The following SNTG1 variants were observed in gnomAD, a reference collection of about 807,000 sequenced individuals.
SNTG1 encodes syntrophin gamma 1.
A neutral mutation model predicts 74.7 loss-of-function variants in SNTG1; 39 were observed. The ratio of observed to expected loss-of-function variants is 0.52; its 90% CI spans 0.40 to 0.68. SNTG1 has a LOEUF of 0.68. Ranked by LOEUF, SNTG1 falls within the 30% of genes least tolerant of loss-of-function variation. SNTG1 has a pLI of 0.00. For missense variants in SNTG1, 685 were observed against 609.5 expected (o/e 1.12, Z -1.30); for synonymous variants, 254 against 217.1 (o/e 1.17, Z -1.49).
intron 3 of SNTG1, among the ~76,000 whole-genome samples, chr8:50,397,418 C>T (rs1373676707): frequency 5.3e-5 from 8 of 152,196 alleles, no homozygotes; most frequent in Admixed American, 5.2e-4. Context: ...TTTAGGTTTG[C>T]AGCACCAACC....
chr8:50,457,746 A>G (rs1009302074), intron 8 of SNTG1, among the ~76,000 whole-genome samples: 3 of 151,814 alleles, frequency 2.0e-5, no homozygotes, highest in African/African-American at 7.2e-5. Context: ...TCAGACAGCA[A>G]TCGCGAATGG....
chr8:50,246,983 G>A (rs1025815892), intron 2 of SNTG1, among the ~76,000 whole-genome samples: 6 of 152,098 alleles, frequency 3.9e-5, no homozygotes, highest in Non-Finnish European at 5.9e-5. Flanking sequence ...TTGAAAGTTC[G>A]GCTCTTGTCT....
chr8:50,593,383 A>G (rs868084926), intron 13 of SNTG1, among the ~76,000 whole-genome samples: 13 of 152,142 alleles, frequency 8.5e-5, no homozygotes, highest in African/African-American at 3.1e-4. Flanking sequence ...GAAATAAACC[A>G]TTATAAAGAA....
Position 50,448,358 on chromosome 8 carries a change from T to C in SNTG1, c.220-1310T>C, listed in dbSNP as rs561077516. On this transcript the variant is annotated intron_variant, in intron 5 of 18. Coordinates refer to ENST00000642720, the MANE Select transcript of SNTG1 (RefSeq NM_018967.5). ...CCTGCTTTTCTAAAAAACTATTGAC[T>C]ATTTTATATTTAAGTATACTGGCAA... 3.9e-5 allele frequency among the ~76,000 whole-genome samples: 6 copies of C among 152,288 alleles called. No homozygotes were observed. In the South Asian group the frequency reaches 1.2e-3, roughly 32 times the overall value.
At chr8:50,451,128 A>G (rs2093452936) in intron 8 of SNTG1, among the ~76,000 whole-genome samples, 1 of 152,168 alleles carries the variant, frequency 6.6e-6, no homozygotes, top group African/African-American at 2.4e-5. Context: ...ATGGGATTTC[A>G]CATCGGCAGA....
intron 1 of SNTG1, among the ~76,000 whole-genome samples, chr8:50,087,263 G>A (rs1167797045): frequency 6.6e-6 from 1 of 152,012 alleles, no homozygotes; most frequent in Non-Finnish European, 1.5e-5. Context: ...TAATGTCGTC[G>A]GGATTTGAAC....
chr8:50,663,458 C>G (rs893924162), intron 15 of SNTG1, among the ~76,000 whole-genome samples: 35 of 152,108 alleles, frequency 2.3e-4, no homozygotes, highest in South Asian at 2.1e-4. Context: ...GCATGGACAG[C>G]GGGCTAGGAG....
chr8:50,174,849 T>C lies in SNTG1; in HGVS notation c.-28+2214T>C, dbSNP rs2082937461. Among the ~76,000 whole-genome samples the C allele has an allele frequency of 2.0e-5, 3 of 149,228 alleles. No homozygotes were observed. In the South Asian group the frequency reaches 6.6e-4, roughly 33 times the overall value. The stretch of plus-strand genomic sequence containing the variant: ...TAGCATTAGGTATATCTCGTAATGC[T>C]ATCCCTCCCCCCTCCCCCCACCCCA... On this transcript the variant is annotated intron_variant, in intron 2 of 18. Coordinates refer to ENST00000642720, the MANE Select transcript of SNTG1 (RefSeq NM_018967.5).
At chr8:50,680,119 A>G (rs1044928402) in intron 15 of SNTG1, among the ~76,000 whole-genome samples, 5 of 152,130 alleles carry the variant, frequency 3.3e-5, no homozygotes, top group Non-Finnish European at 7.4e-5. Flanking sequence ...TGACTCCATC[A>G]TGTACAATTC....
intron 1 of SNTG1, among the ~76,000 whole-genome samples, chr8:49,946,570 ATTCTT>A (rs961598573): frequency 2.6e-5 from 4 of 152,194 alleles, no homozygotes; most frequent in African/African-American, 9.6e-5. Flanking sequence ...ATTTCAGAAT[ATTCTT>A]TTCTTTACTC....
chr8:49,963,586 A>C (rs1356828367), intron 1 of SNTG1, among the ~76,000 whole-genome samples: 1 of 152,112 alleles, frequency 6.6e-6, no homozygotes, highest in Non-Finnish European at 1.5e-5. Context: ...TTTCCTGATC[A>C]AGCAAGCATT....
At chr8:50,206,776 G>A (rs1185922526) in intron 2 of SNTG1, among the ~76,000 whole-genome samples, 18 of 145,332 alleles carry the variant, frequency 1.2e-4, no homozygotes, top group Admixed American at 1.1e-3. Flanking sequence ...TTAGCATGAA[G>A]GGTTGTTGAA....
chr8:50,079,483 A>G (rs903360504), intron 1 of SNTG1, among the ~76,000 whole-genome samples: 3 of 151,730 alleles, frequency 2.0e-5, no homozygotes, highest in South Asian at 2.1e-4. Context: ...AGATGGGTAG[A>G]TTGCAAACAT....
At chr8:50,627,465 G>T (rs1200488954) in intron 13 of SNTG1, among the ~76,000 whole-genome samples, 2 of 152,128 alleles carry the variant, frequency 1.3e-5, no homozygotes, top group Admixed American at 6.6e-5. Flanking sequence ...CAGACAAAGT[G>T]GGCCCAGCTT....
intron 2 of SNTG1, among the ~76,000 whole-genome samples, chr8:50,290,290 C>T (rs2089021385): frequency 1.3e-5 from 2 of 152,130 alleles, no homozygotes; most frequent in Admixed American, 1.3e-4. Flanking sequence ...ATTATTTCTC[C>T]CTAAGATACT....
chr8:50,381,668 T>TTA (rs56271555), intron 2 of SNTG1, among the ~76,000 whole-genome samples: 93,908 of 101,820 alleles, frequency 0.92, 44,166 homozygotes, highest in Non-Finnish European at 0.98. Flanking sequence ...ATCCTATTAG[T>TTA]TATATATATA....
intron 2 of SNTG1, among the ~76,000 whole-genome samples, chr8:50,304,332 T>G (rs763015377): frequency 2.6e-5 from 4 of 152,198 alleles, no homozygotes; most frequent in Non-Finnish European, 5.9e-5. Flanking sequence ...CCAAACAAAC[T>G]TCTTTTCTTT....
At chr8:50,234,113 C>A (rs1310722840) in intron 2 of SNTG1, among the ~76,000 whole-genome samples, 1 of 151,796 alleles carries the variant, frequency 6.6e-6, no homozygotes, top group African/African-American at 2.4e-5. Flanking sequence ...TTATTCATAC[C>A]AAATTCATTT....
chr8:50,371,668 CTAACA>C (rs1457221415), intron 2 of SNTG1, among the ~76,000 whole-genome samples: 1 of 152,150 alleles, frequency 6.6e-6, no homozygotes, highest in Non-Finnish European at 1.5e-5. Context: ...ATATCTATTT[CTAACA>C]TAAATTCTGT....
Sources: allele counts gnomAD v4.1 joint callset (sites outside exome capture counted in the v4.1 genomes callset), GRCh38; gene constraint gnomAD v4.1.1; transcripts MANE v1.5; gene names NCBI Gene and HGNC (gene_info 2026-07-23, HGNC 2026-07-21).